NEK11: variants seen among roughly 807,000 people sequenced by gnomAD.
NEK11 encodes the protein serine/threonine-protein kinase Nek11.
Under a neutral mutation model 80.7 loss-of-function variants are expected in NEK11, and 72 were observed. That is an observed-to-expected ratio of 0.89 (90% CI 0.74 to 1.08). The LOEUF (loss-of-function observed/expected upper bound fraction) is 1.08. Among genes scored for constraint, NEK11 ranks in the 50% least tolerant of loss-of-function variants. NEK11 has a pLI of 0.00. For missense variants in NEK11, 764 were observed against 763.6 expected (o/e 1.00, Z -0.01); for synonymous variants, 251 against 260.7 (o/e 0.96, Z 0.36).
intron 7 of NEK11, among the ~76,000 whole-genome samples, chr3:131,146,643 A>G (rs1560629468): frequency 6.6e-6 from 1 of 152,132 alleles, no homozygotes; most frequent in Non-Finnish European, 1.5e-5. Context: ...ATTTTTAGTG[A>G]TATTTAGCCC....
At chr3:131,272,797 A>G (rs1413036279) in intron 16 of NEK11, among the ~76,000 whole-genome samples, 1 of 152,036 alleles carries the variant, frequency 6.6e-6, no homozygotes, top group Non-Finnish European at 1.5e-5. Context: ...TTTTAATGGA[A>G]AGTAGTGTTG....
chr3:131,092,064 C>G (rs1444726838), intron 4 of NEK11, among the ~76,000 whole-genome samples: 1 of 152,196 alleles, frequency 6.6e-6, no homozygotes, highest in Non-Finnish European at 1.5e-5. Flanking sequence ...CACAGGAATG[C>G]AAGGTATGGA....
intron 16 of NEK11, among the ~76,000 whole-genome samples, chr3:131,244,543 C>T (rs574535704): frequency 6.6e-6 from 1 of 152,070 alleles, no homozygotes; most frequent in Non-Finnish European, 1.5e-5. Context: ...AGCATGAGAA[C>T]AGAAGCTGTG....
chr3:131,255,050 G>GAGAGACAGAC (rs1222083767), intron 16 of NEK11, among the ~76,000 whole-genome samples: 4 of 132,634 alleles, frequency 3.0e-5, no homozygotes, highest in African/African-American at 1.1e-4. Context: ...GAGAGAGAGA[G>GAGAGACAGAC]AGACAGACAG....
chr3:131,329,658 AAT>A (rs1410242039), intron 17 of NEK11: 1 of 152,226 alleles, frequency 6.6e-6, no homozygotes, highest in Non-Finnish European at 1.5e-5. Flanking sequence ...GGGTGGTCAG[AAT>A]ATGTCTCTCT....
chr3:131,258,134 G>A (rs1387945293), intron 16 of NEK11, among the ~76,000 whole-genome samples: 1 of 140,594 alleles, frequency 7.1e-6, no homozygotes. Flanking sequence ...CACAAAGGCA[G>A]AATGATATAA....
At chr3:131,215,181 C>A (rs547332374) in intron 14 of NEK11, among the ~76,000 whole-genome samples, 54 of 150,484 alleles carry the variant, frequency 3.6e-4, no homozygotes, top group African/African-American at 1.3e-3. Flanking sequence ...GGACAAAAAA[C>A]CAAACACCGC....
intron 3 of NEK11, among the ~76,000 whole-genome samples, chr3:131,073,213 T>A (rs1309372159): frequency 6.6e-6 from 1 of 152,178 alleles, no homozygotes; most frequent in Non-Finnish European, 1.5e-5. Flanking sequence ...TTTATACAGA[T>A]GGGAAAAGTC....
At chr3:131,328,693 G>T (rs1054406899) in intron 17 of NEK11, among the ~76,000 whole-genome samples, 3 of 152,204 alleles carry the variant, frequency 2.0e-5, no homozygotes, top group Non-Finnish European at 4.4e-5. Flanking sequence ...CAGAATGGTG[G>T]AAAGTGCTTT....
intron 10 of NEK11, among the ~76,000 whole-genome samples, chr3:131,155,553 T>C (rs2090505801): frequency 6.6e-6 from 1 of 152,218 alleles, no homozygotes; most frequent in Non-Finnish European, 1.5e-5. Context: ...AAATTCACTT[T>C]CTTGAAATAT....
chr3:131,319,584 TG>T (rs1438846827), intron 17 of NEK11, among the ~76,000 whole-genome samples: 1 of 152,126 alleles, frequency 6.6e-6, no homozygotes, highest in Non-Finnish European at 1.5e-5. Flanking sequence ...GGTAACTTGG[TG>T]GTGGGTCTGT....
chr3:131,190,462 G>GTT (rs2093752606), intron 14 of NEK11, among the ~76,000 whole-genome samples: 1 of 152,144 alleles, frequency 6.6e-6, no homozygotes, highest in African/African-American at 2.4e-5. Flanking sequence ...AGATCTGGTT[G>GTT]TTTAAAAGAG....
At chr3:131,299,082 TAC>T (rs1316612199) in intron 17 of NEK11, among the ~76,000 whole-genome samples, 1 of 152,224 alleles carries the variant, frequency 6.6e-6, no homozygotes, top group Non-Finnish European at 1.5e-5. Context: ...AGTATTTTTT[TAC>T]ACTTTTATTT....
chr3:131,312,801 A>G (rs139105162), intron 17 of NEK11, among the ~76,000 whole-genome samples: 1 of 152,286 alleles, frequency 6.6e-6, no homozygotes, highest in East Asian at 1.9e-4. Context: ...AATTAGAGGT[A>G]AGGGAAGTAG....
At chr3:131,218,332 T>G (rs1157841414) in intron 14 of NEK11, among the ~76,000 whole-genome samples, 1 of 152,118 alleles carries the variant, frequency 6.6e-6, no homozygotes, top group Non-Finnish European at 1.5e-5. Flanking sequence ...TGAGCAAGGA[T>G]GTGGTCTCAG....
chr3:131,126,912 G>T (rs1027722192), intron 5 of NEK11, among the ~76,000 whole-genome samples: 1 of 149,362 alleles, frequency 6.7e-6, no homozygotes, highest in African/African-American at 2.5e-5. Flanking sequence ...CTGTATTTCA[G>T]ATGTCTCTTA....
intron 5 of NEK11, among the ~76,000 whole-genome samples, chr3:131,124,615 A>G (rs929845237): frequency 1.4e-4 from 21 of 152,254 alleles, no homozygotes; most frequent in African/African-American, 3.9e-4. Context: ...TAGGCATTTC[A>G]CAGTTCCTGC....
At chr3:131,316,887 C>A (rs988639833) in intron 17 of NEK11, among the ~76,000 whole-genome samples, 1 of 152,100 alleles carries the variant, frequency 6.6e-6, no homozygotes, top group Admixed American at 6.6e-5. Flanking sequence ...TATAAAAGCA[C>A]CTGGTTCCAA....
chr3:131,143,925 T>C (rs1406937321), intron 7 of NEK11, among the ~76,000 whole-genome samples: 1 of 152,152 alleles, frequency 6.6e-6, no homozygotes, highest in South Asian at 2.1e-4. Context: ...TGATTCCTCT[T>C]TTCTAGATGA....
Sources: gnomAD v4.1 joint callset for allele counts (sites outside exome capture counted in the v4.1 genomes callset) on GRCh38, gnomAD v4.1.1 for gene constraint, MANE v1.5 for transcripts, NCBI Gene and HGNC (gene_info 2026-07-23, HGNC 2026-07-21) for gene names.